Variants in PNPLA1 observed in about 807,000 individuals in gnomAD.
PNPLA1 encodes the protein omega-hydroxyceramide transacylase.
A neutral mutation model predicts 51.7 loss-of-function variants in PNPLA1; 36 were observed. The ratio of observed to expected loss-of-function variants is 0.70; its 90% CI spans 0.53 to 0.92. PNPLA1 has a LOEUF of 0.92. Among genes scored for constraint, PNPLA1 ranks in the 40% least tolerant of loss-of-function variants. The pLI is 0.00. For missense variants in PNPLA1, 658 were observed against 682.5 expected, an observed-to-expected ratio of 0.96 and a Z score of 0.40; for synonymous variants, 293 against 280.1, an observed-to-expected ratio of 1.05 and a Z score of -0.46.
At chr6:36,273,251 T>TAATTAATAAATA (rs1554135524) in intron 1 of PNPLA1, among the ~76,000 whole-genome samples, 3 of 146,624 alleles carry the variant, frequency 2.0e-5, no homozygotes, top group South Asian at 4.4e-4. Context: ...AATAAATAAA[T>TAATTAATAAATA]AATAAATAAA....
At chr6:36,302,833 C>A (rs1771109786) in intron 6 of PNPLA1, among the ~76,000 whole-genome samples, 1 of 152,158 alleles carries the variant, frequency 6.6e-6, no homozygotes, top group South Asian at 2.1e-4. Flanking sequence ...TTTTTGCCTG[C>A]TCACATTTGA....
chr6:36,291,678 C>A, intron 2 of PNPLA1, 126 bp downstream of exon 2: 1 of 801,608 alleles, frequency 1.2e-6, no homozygotes. Context: ...TCCCTTCCTT[C>A]ATGCCCCCAG....
chr6:36,294,801 A>G lies in PNPLA1; in HGVS notation c.714+402A>G, dbSNP rs1322856444. ...CCATTTTTAGAGAGTTATGGGGGAA[A>G]GAAAAAAAGAAGAAAAAGAAAAAGA... On this transcript the variant is annotated intron_variant, in intron 4 of 8. Transcript: ENST00000636260. The surrounding 1 kb of genome is among the most constrained non-coding windows in gnomAD (Gnocchi z 4.2). 1.3e-5 allele frequency among the ~76,000 whole-genome samples: 2 copies of G among 152,342 alleles called. No individual in the cohort carries two copies. The highest frequency in any genetic ancestry group is 1.3e-4 in the Admixed American group (2 of 15,302).
intron 1 of PNPLA1, among the ~76,000 whole-genome samples, chr6:36,284,786 C>T (rs934481720): frequency 2.0e-5 from 3 of 152,162 alleles, no homozygotes; most frequent in African/African-American, 7.2e-5. Context: ...AGAACAGCCT[C>T]AACCCAGAAC....
At chr6:36,295,524 G>A (rs538647482) in intron 5 of PNPLA1, 100 bp downstream of exon 5, 9 of 1,285,452 alleles carry the variant, frequency 7.0e-6, no homozygotes, top group Non-Finnish European at 8.9e-6. Flanking sequence ...CCAGATTTGT[G>A]ACCCGGAGAC....
intron 5 of PNPLA1, among the ~76,000 whole-genome samples, chr6:36,299,378 A>G (rs1361549308): frequency 7.4e-6 from 1 of 135,926 alleles, no homozygotes; most frequent in Non-Finnish European, 1.5e-5. Flanking sequence ...TCTGTCACCC[A>G]GGCTGGAGTG....
At position 36,291,532 on chromosome 6, in the gene PNPLA1, T is replaced by C. The variant is rs781053760; in HGVS notation, c.418T>C (p.Ser140Pro). The change falls in exon 2 of 9, where the codon TCC becomes CCC. Residue 140 changes from serine to proline, a missense_variant. Ser to Pro is a moderately conservative substitution (Grantham distance 74, BLOSUM62 -1). Coordinates refer to ENST00000636260, the MANE Select transcript of PNPLA1 (RefSeq NM_001374623.1). ...GENVVVSEFTSKEELIEALYC... is the reference protein window; with the variant it reads ...GENVVVSEFTPKEELIEALYC... ...GAATGTGGTGGTTTCAGAGTTCACG[T>C]CCAAGGAGGAGCTCATTGAGGCAAG... 23 of 1,325,798 alleles carry C rather than the reference T, an allele frequency of 1.7e-5. No individual in the cohort carries two copies. Among genetic ancestry groups the C allele is most frequent in the Admixed American group, 2.2e-5 (1 of 45,116 alleles). The allele number at this position is 1,325,798 out of a possible 1,614,324, so 82.1% of individuals were successfully genotyped here. A position where few individuals can be genotyped will look rare whatever the true frequency, so the allele number is the denominator to read the frequency against.
At chr6:36,266,864 G>C (rs896382732), upstream of PNPLA1, among the ~76,000 whole-genome samples, 1 of 152,190 alleles carries the variant, frequency 6.6e-6, no homozygotes, top group Non-Finnish European at 1.5e-5. Flanking sequence ...CTACTCTACC[G>C]AATCAAGAAA....
chr6:36,257,351 C>T (rs1223700557), intron 1 of PNPLA1, among the ~76,000 whole-genome samples: 1 of 152,216 alleles, frequency 6.6e-6, no homozygotes, highest in Non-Finnish European at 1.5e-5. Flanking sequence ...CATTTGGCAT[C>T]AGGGAAATTC....
intron 1 of PNPLA1, among the ~76,000 whole-genome samples, chr6:36,279,653 C>G (rs537187094): frequency 6.6e-6 from 1 of 152,322 alleles, no homozygotes; most frequent in African/African-American, 2.4e-5. Context: ...GCCAGGGACC[C>G]ATCTCGCCCT....
chr6:36,251,226 T>A (rs1420761080), intron 1 of PNPLA1, among the ~76,000 whole-genome samples: 1 of 152,166 alleles, frequency 6.6e-6, no homozygotes, highest in Non-Finnish European at 1.5e-5. Flanking sequence ...TTTGGCTAGA[T>A]CTTTTTGTGT....
upstream of PNPLA1, among the ~76,000 whole-genome samples, chr6:36,267,829 G>A (rs1255123002): frequency 6.6e-6 from 1 of 151,880 alleles, no homozygotes; most frequent in African/African-American, 2.4e-5. Context: ...CATCTCAGAT[G>A]CATCTTAAAG....
rs1769875232 is a variant in PNPLA1, at chr6:36,270,422, G to A, written c.-38G>A. 6.5e-7 allele frequency: 1 copy of A among 1,547,330 alleles called. No homozygotes were observed. Among genetic ancestry groups the A allele is most frequent in the South Asian group, 1.2e-5 (1 of 83,904 alleles). On this transcript the variant is annotated 5_prime_UTR_variant, in exon 1 of 9. The change creates a new upstream start codon in the 5' untranslated region. Coordinates refer to ENST00000636260, the MANE Select transcript of PNPLA1 (RefSeq NM_001374623.1). ...GGCTCGGGCAGGCAAGTGCTGAAGG[G>A]TGGCTCCGCCTTCCGCAGAAAGTCA...
At position 36,299,333 on chromosome 6, in the gene PNPLA1, C is replaced by CTTTTT. The variant is rs56352900; in HGVS notation, c.776-2527_776-2526insTTTTT. On this transcript the variant is annotated intron_variant, in intron 5 of 8. Transcript: ENST00000636260. ...TTTGGGGTTTTTTTTGTTTTTTTGT[C>CTTTTT]TGTTTTTTTTTTTTTTTTTGAGATG... is the stretch of plus-strand genomic sequence containing the variant. Among the ~76,000 whole-genome samples, 79 of 142,348 alleles carry CTTTTT rather than the reference C, an allele frequency of 5.5e-4. 2 individuals are homozygous for CTTTTT. The highest frequency in any genetic ancestry group is 1.5e-3 in the African/African-American group (56 of 37,246). The allele number at this position is 142,348 out of a possible 152,430, so 93.4% of individuals were successfully genotyped here. A position where few individuals can be genotyped will look rare whatever the true frequency, so the allele number is the denominator to read the frequency against.
intron 1 of PNPLA1, among the ~76,000 whole-genome samples, chr6:36,263,925 C>G (rs1433141290): frequency 6.6e-6 from 1 of 152,182 alleles, no homozygotes; most frequent in Non-Finnish European, 1.5e-5. Context: ...TTTGAATCAG[C>G]CAGTCCTAAG....
chr6:36,251,783 A>G (rs1344094548), intron 1 of PNPLA1, among the ~76,000 whole-genome samples: 1 of 152,068 alleles, frequency 6.6e-6, no homozygotes, highest in East Asian at 1.9e-4. Context: ...TACAAAAAAA[A>G]ATTTTTTTTT....
At chr6:36,306,002 G>A (rs1196105023) in intron 6 of PNPLA1, among the ~76,000 whole-genome samples, 1 of 151,992 alleles carries the variant, frequency 6.6e-6, no homozygotes, top group Non-Finnish European at 1.5e-5. Context: ...TGATCTGCCC[G>A]CCTTGGCCTC....
intron 1 of PNPLA1, among the ~76,000 whole-genome samples, chr6:36,290,725 C>T (rs191217109): frequency 6.6e-6 from 1 of 152,274 alleles, no homozygotes; most frequent in East Asian, 1.9e-4. Context: ...AGGGTCATCT[C>T]CCTCTCAGAC....
Position 36,294,156 on chromosome 6 carries a change from C to A in PNPLA1, c.505-34C>A, listed in dbSNP as rs1446881478. 7 of 1,610,714 alleles carry A rather than the reference C, an allele frequency of 4.3e-6. No homozygotes were observed. Among genetic ancestry groups the A allele is most frequent in the Non-Finnish European group, 5.9e-6 (7 of 1,177,826 alleles). ...CCCCGAGTGGGGCTGAGAACTCTGG[C>A]CCCAAGTGGGCATTTCTCACTCTGC... is the stretch of plus-strand genomic sequence containing the variant. On this transcript the variant is annotated intron_variant, in intron 3 of 8. Transcript: ENST00000636260. The surrounding 1 kb of genome is among the most constrained non-coding windows in gnomAD (Gnocchi z 4.2).
Sources: allele counts gnomAD v4.1 joint callset (sites outside exome capture counted in the v4.1 genomes callset), GRCh38; gene constraint gnomAD v4.1.1; non-coding constraint Gnocchi (gnomAD v3.1); transcripts MANE v1.5; gene names NCBI Gene and HGNC (gene_info 2026-07-23, HGNC 2026-07-21).